The following TEAD1 variants were observed in gnomAD, a reference collection of about 807,000 sequenced individuals.
The protein encoded by TEAD1 is TEA domain transcription factor 1.
In TEAD1, 9 loss-of-function variants were observed where a neutral mutation model predicts 54.9. The ratio of observed to expected loss-of-function variants is 0.16; its 90% CI spans 0.10 to 0.29. The LOEUF (loss-of-function observed/expected upper bound fraction) is 0.29. Among genes scored for constraint, TEAD1 ranks in the 10% least tolerant of loss-of-function variants. The pLI, the probability that TEAD1 is intolerant of heterozygous loss-of-function variation, is 1.00. For missense variants in TEAD1, 387 were observed against 535.9 expected (o/e 0.72, Z 2.74); for synonymous variants, 200 against 187.8 (o/e 1.07, Z -0.53).
At chr11:12,795,534 C>T (rs1257398005) in intron 3 of TEAD1, among the ~76,000 whole-genome samples, 1 of 152,202 alleles carries the variant, frequency 6.6e-6, no homozygotes, top group Non-Finnish European at 1.5e-5. Context: ...GGAACTCAGG[C>T]CAGCCTGTCC....
chr11:12,719,004 AG>A (rs147726670), intron 2 of TEAD1, among the ~76,000 whole-genome samples: 3,261 of 149,464 alleles, frequency 0.022, 125 homozygotes, highest in African/African-American at 0.074. Context: ...TTTTTTTTTT[AG>A]GGGGGGGAGT....
intron 10 of TEAD1, among the ~76,000 whole-genome samples, chr11:12,919,505 T>C (rs1948767852): frequency 6.6e-6 from 1 of 152,180 alleles, no homozygotes; most frequent in South Asian, 2.1e-4. Context: ...TAATTACTTT[T>C]TTTTTGAGAC....
intron 11 of TEAD1, among the ~76,000 whole-genome samples, chr11:12,927,653 T>C (rs1196393509): frequency 6.6e-6 from 1 of 152,194 alleles, no homozygotes; most frequent in African/African-American, 2.4e-5. Flanking sequence ...ATATTAAATA[T>C]TTCTAATCAA....
intron 11 of TEAD1, among the ~76,000 whole-genome samples, chr11:12,929,550 T>A (rs1197224641): frequency 1.3e-5 from 2 of 152,064 alleles, no homozygotes; most frequent in Admixed American, 6.6e-5. Flanking sequence ...GGCTGATACG[T>A]TTTGATGTAA....
intron 2 of TEAD1, among the ~76,000 whole-genome samples, chr11:12,698,305 G>A (rs1240179748): frequency 6.6e-6 from 1 of 152,100 alleles, no homozygotes; most frequent in Non-Finnish European, 1.5e-5. Flanking sequence ...CTCTTTTTTG[G>A]TGGGAGGATT....
rs1381878825 is a variant in TEAD1 at position 12,732,374 on chromosome 11, T to G, written c.-54-31805T>G. On this transcript the variant is annotated intron_variant, in intron 2 of 12. Transcript: ENST00000527636. Reference sequence around the variant, plus strand: ...TAAAAACTAGTTCCTACTTCCATTTTGTCACATGTGACATAGCGGATACCC... The same window carrying G: ...TAAAAACTAGTTCCTACTTCCATTTGGTCACATGTGACATAGCGGATACCC... 1.2e-4 allele frequency among the ~76,000 whole-genome samples: 18 copies of G among 152,350 alleles called. No homozygotes were observed. The East Asian group carries it at 2.5e-3, about 21-fold the overall frequency.
chr11:12,775,457 C>G (rs1419959942), intron 3 of TEAD1, among the ~76,000 whole-genome samples: 1 of 152,218 alleles, frequency 6.6e-6, no homozygotes, highest in Non-Finnish European at 1.5e-5. Flanking sequence ...CAGTTCCTCA[C>G]TCATCTGCTG....
chr11:12,889,074 G>GA (rs1374422448), intron 9 of TEAD1, among the ~76,000 whole-genome samples: 4 of 152,170 alleles, frequency 2.6e-5, no homozygotes, highest in African/African-American at 7.2e-5. Flanking sequence ...GAAGCTAAGA[G>GA]AAAAACAGCA....
intron 9 of TEAD1, among the ~76,000 whole-genome samples, chr11:12,898,861 T>C (rs1249792737): frequency 1.3e-5 from 2 of 152,228 alleles, no homozygotes; most frequent in African/African-American, 2.4e-5. Flanking sequence ...TTTCGTGCTT[T>C]ACACTCAGCA....
intron 2 of TEAD1, among the ~76,000 whole-genome samples, chr11:12,744,077 T>G (rs1417153126): frequency 6.6e-6 from 1 of 152,242 alleles, no homozygotes; most frequent in Non-Finnish European, 1.5e-5. Flanking sequence ...CATCTTTAAT[T>G]CATTGCTGAG....
At chr11:12,771,638 T>G (rs1226952922) in intron 3 of TEAD1, among the ~76,000 whole-genome samples, 1 of 152,192 alleles carries the variant, frequency 6.6e-6, no homozygotes, top group Admixed American at 6.5e-5. Flanking sequence ...CTTGATGTAC[T>G]GGATGACCAT....
At chr11:12,764,525 A>G (rs138639619) in intron 3 of TEAD1, 91 bp downstream of exon 3, 3 of 1,439,180 alleles carry the variant, frequency 2.1e-6, no homozygotes, top group South Asian at 1.2e-5. Flanking sequence ...AGAGCTGTTC[A>G]TTGTATGGGG....
chr11:12,906,402 G>A (rs961110116), intron 10 of TEAD1, among the ~76,000 whole-genome samples: 11 of 151,952 alleles, frequency 7.2e-5, no homozygotes, highest in Non-Finnish European at 1.5e-4. Context: ...TTAGCCGGGT[G>A]TGGTGGCGGG....
intron 2 of TEAD1, among the ~76,000 whole-genome samples, chr11:12,718,638 A>C (rs1944116387): frequency 6.6e-6 from 1 of 152,000 alleles, no homozygotes; most frequent in African/African-American, 2.4e-5. Flanking sequence ...GTGTAATAAT[A>C]ATGTGCTGAT....
At chr11:12,798,218 C>T (rs1254762792) in intron 3 of TEAD1, among the ~76,000 whole-genome samples, 1 of 152,166 alleles carries the variant, frequency 6.6e-6, no homozygotes, top group Non-Finnish European at 1.5e-5. Flanking sequence ...GTGTACCCAT[C>T]CTCTAGACAG....
chr11:12,683,765 G>T (rs1275627809), intron 2 of TEAD1, among the ~76,000 whole-genome samples: 2 of 152,180 alleles, frequency 1.3e-5, no homozygotes, highest in Non-Finnish European at 2.9e-5. Flanking sequence ...TAATTGAAAG[G>T]AGTAGGAGGG....
At chr11:12,788,992 T>A (rs570560338) in intron 3 of TEAD1, among the ~76,000 whole-genome samples, 3 of 152,242 alleles carry the variant, frequency 2.0e-5, no homozygotes, top group African/African-American at 7.2e-5. Flanking sequence ...TCAAGTGATC[T>A]TCCTGCCTTG....
intron 2 of TEAD1, among the ~76,000 whole-genome samples, chr11:12,749,646 G>T (rs568619617): frequency 3.3e-5 from 5 of 152,204 alleles, no homozygotes; most frequent in African/African-American, 7.2e-5. Context: ...AGACATGAGC[G>T]CATCAGACTT....
intron 3 of TEAD1, among the ~76,000 whole-genome samples, chr11:12,852,827 T>C (rs575031011): frequency 1.3e-5 from 2 of 152,254 alleles, no homozygotes; most frequent in Admixed American, 1.3e-4. Flanking sequence ...AAGAGGCTTG[T>C]AGTCTGTTAC....
Sources: allele counts gnomAD v4.1 joint callset (sites outside exome capture counted in the v4.1 genomes callset), GRCh38; gene constraint gnomAD v4.1.1; transcripts MANE v1.5; gene names NCBI Gene and HGNC (gene_info 2026-07-23, HGNC 2026-07-21).